Variants in WWOX observed in about 807,000 individuals in gnomAD.
WWOX encodes the protein WW domain-containing oxidoreductase.
Under a neutral mutation model 46.2 loss-of-function variants are expected in WWOX, and 69 were observed. The ratio of observed to expected loss-of-function variants is 1.49; its 90% CI spans 1.23 to 1.82. The LOEUF is 1.82. WWOX is among the 40% of genes most tolerant of loss of function. The pLI is 0.00. For synonymous variants in WWOX, 359 were observed against 202.6 expected (o/e 1.77, Z -6.56); for missense variants, 919 against 542.6 (o/e 1.69, Z -6.89).
intron 8 of WWOX, among the ~76,000 whole-genome samples, chr16:78,439,135 C>G (rs1333258941): frequency 6.6e-6 from 1 of 152,170 alleles, no homozygotes; most frequent in Non-Finnish European, 1.5e-5. Context: ...ATTGGTGTAT[C>G]ACATACAAGG....
intron 8 of WWOX, among the ~76,000 whole-genome samples, chr16:78,947,410 G>A (rs1388684822): frequency 3.3e-5 from 5 of 152,054 alleles, no homozygotes; most frequent in African/African-American, 9.7e-5. Flanking sequence ...TTATTACAGC[G>A]CAGGTGCATC....
At chr16:79,081,516 A>G (rs2048760016) in intron 8 of WWOX, among the ~76,000 whole-genome samples, 1 of 152,192 alleles carries the variant, frequency 6.6e-6, no homozygotes, top group South Asian at 2.1e-4. Context: ...ATAACAGGAC[A>G]GACCTTGTAC....
chr16:78,821,372 G>C (rs2051488461), intron 8 of WWOX, among the ~76,000 whole-genome samples: 1 of 152,100 alleles, frequency 6.6e-6, no homozygotes, highest in South Asian at 2.1e-4. Context: ...AGGTGTATGT[G>C]GCCTCTGGTT....
intron 8 of WWOX, among the ~76,000 whole-genome samples, chr16:79,178,718 C>G (rs4243165): frequency 2.0e-5 from 3 of 151,574 alleles, no homozygotes; most frequent in Non-Finnish European, 4.4e-5. Flanking sequence ...TGGGATGTGC[C>G]TACCTAATGC....
intron 4 of WWOX, among the ~76,000 whole-genome samples, chr16:78,146,769 A>G (rs1476759806): frequency 6.6e-6 from 1 of 152,200 alleles, no homozygotes; most frequent in Non-Finnish European, 1.5e-5. Flanking sequence ...GGGTGCTGTA[A>G]TCACTGAATA....
chr16:78,884,799 A>T (rs954331309), intron 8 of WWOX, among the ~76,000 whole-genome samples: 2 of 152,202 alleles, frequency 1.3e-5, no homozygotes, highest in Non-Finnish European at 2.9e-5. Flanking sequence ...ATTTTTTTGC[A>T]TGTATATTTT....
At chr16:79,043,530 G>T (rs1413219347) in intron 8 of WWOX, among the ~76,000 whole-genome samples, 1 of 152,178 alleles carries the variant, frequency 6.6e-6, no homozygotes, top group Non-Finnish European at 1.5e-5. Flanking sequence ...GGCATAGCTG[G>T]ATCCAGGATC....
At chr16:78,791,517 T>C (rs1259564273) in intron 8 of WWOX, among the ~76,000 whole-genome samples, 2 of 152,106 alleles carry the variant, frequency 1.3e-5, no homozygotes, top group Non-Finnish European at 2.9e-5. Flanking sequence ...TCTCTTGTGT[T>C]CCCCAGATGG....
At chr16:78,495,912 T>A (rs538763621) in intron 8 of WWOX, 1 of 152,294 alleles carries the variant, frequency 6.6e-6, no homozygotes, top group South Asian at 2.1e-4. Context: ...AGGTAAAGAA[T>A]AAAAATTAAT....
At chr16:79,022,735 G>A (rs543289476) in intron 8 of WWOX, among the ~76,000 whole-genome samples, 6 of 152,216 alleles carry the variant, frequency 3.9e-5, no homozygotes, top group African/African-American at 1.4e-4. Flanking sequence ...AGAAGAGGCA[G>A]TGGCCCCCCA....
chr16:78,669,901 T>C (rs1282546587), intron 8 of WWOX, among the ~76,000 whole-genome samples: 1 of 152,106 alleles, frequency 6.6e-6, no homozygotes, highest in Non-Finnish European at 1.5e-5. Context: ...TTCTTGCACA[T>C]GTACTGCTTT....
intron 8 of WWOX, among the ~76,000 whole-genome samples, chr16:79,145,222 A>G (rs1433836316): frequency 6.6e-6 from 1 of 152,216 alleles, no homozygotes; most frequent in Non-Finnish European, 1.5e-5. Flanking sequence ...ATTAAAGAAC[A>G]ATTTTATGGT....
At chr16:78,946,644 G>A (rs1171741045) in intron 8 of WWOX, among the ~76,000 whole-genome samples, 1 of 152,164 alleles carries the variant, frequency 6.6e-6, no homozygotes, top group Non-Finnish European at 1.5e-5. Context: ...CAGGAGAGAT[G>A]CAGTGATGGC....
chr16:78,848,225 CAAGT>C (rs1303472198), intron 8 of WWOX, among the ~76,000 whole-genome samples: 1 of 152,172 alleles, frequency 6.6e-6, no homozygotes, highest in Non-Finnish European at 1.5e-5. Context: ...ATACGGAAAA[CAAGT>C]AAGAGTAACT....
At chr16:78,588,725 T>A (rs1047462661) in intron 8 of WWOX, among the ~76,000 whole-genome samples, 1 of 152,286 alleles carries the variant, frequency 6.6e-6, no homozygotes, top group East Asian at 1.9e-4. Context: ...GTATGTCACT[T>A]ATTGACGTAG....
chr16:78,373,990 T>C (rs1173425238), intron 5 of WWOX, among the ~76,000 whole-genome samples: 3 of 152,248 alleles, frequency 2.0e-5, no homozygotes, highest in Non-Finnish European at 4.4e-5. Flanking sequence ...TTTCACCATG[T>C]TGGCCAGGCT....
chr16:78,339,547 C>T lies in WWOX; in HGVS notation c.517-47313C>T, dbSNP rs1219695227. ...TTGGAACTTCTCTTCCACATCTTTTCCTGTATTGGTTTGGTTATTGTTTTG... is the reference window on the plus strand; with the variant it reads ...TTGGAACTTCTCTTCCACATCTTTTTCTGTATTGGTTTGGTTATTGTTTTG... On this transcript the variant is annotated intron_variant, in intron 5 of 8. Transcript: ENST00000566780. Among the ~76,000 whole-genome samples the T allele has an allele frequency of 1.7e-5, 2 of 119,060 alleles. 1 individual carries two copies. The highest frequency in any genetic ancestry group is 5.7e-5 in the African/African-American group (2 of 35,134). 78.1% of individuals were successfully genotyped at this position (119,060 alleles called of 152,430 possible). A position where few individuals can be genotyped will look rare whatever the true frequency, so the allele number is the denominator to read the frequency against.
chr16:78,925,773 G>A (rs938049006), intron 8 of WWOX, among the ~76,000 whole-genome samples: 3 of 152,190 alleles, frequency 2.0e-5, no homozygotes, highest in Non-Finnish European at 4.4e-5. Flanking sequence ...TGTTCTTGCA[G>A]GGTGAGGCTT....
At chr16:78,379,114 G>A (rs2081896302) in intron 5 of WWOX, among the ~76,000 whole-genome samples, 1 of 152,116 alleles carries the variant, frequency 6.6e-6, no homozygotes, top group South Asian at 2.1e-4. Flanking sequence ...TGCTTCAGAA[G>A]ATATTTGCTA....
Sources: allele counts gnomAD v4.1 joint callset (sites outside exome capture counted in the v4.1 genomes callset), GRCh38; gene constraint gnomAD v4.1.1; transcripts MANE v1.5; gene names NCBI Gene and HGNC (gene_info 2026-07-23, HGNC 2026-07-21).